The following GLYATL2 variants were observed in gnomAD, a reference collection of about 807,000 sequenced individuals.
GLYATL2 encodes the protein glycine N-acyltransferase-like protein 2.
Under a neutral mutation model 21.4 loss-of-function variants are expected in GLYATL2, and 25 were observed. The observed-to-expected ratio is 1.17, with a 90% CI of 0.85 to 1.63. The LOEUF (loss-of-function observed/expected upper bound fraction) is 1.63. Among genes scored for constraint, GLYATL2 ranks in the 40% most tolerant of loss-of-function variants. GLYATL2 has a pLI of 0.00. For missense variants in GLYATL2, 361 were observed against 343.3 expected (o/e 1.05, Z -0.41); for synonymous variants, 114 against 118.2 (o/e 0.96, Z 0.23).
intron 1 of GLYATL2, among the ~76,000 whole-genome samples, chr11:58,880,299 G>T (rs1854310350): frequency 6.6e-6 from 1 of 152,146 alleles, no homozygotes; most frequent in Non-Finnish European, 1.5e-5. Context: ...CCAGGATGGG[G>T]TCATAAGAGC....
At chr11:58,850,318 C>CT (rs930306612) in intron 1 of GLYATL2, among the ~76,000 whole-genome samples, 1 of 151,962 alleles carries the variant, frequency 6.6e-6, no homozygotes, top group Non-Finnish European at 1.5e-5. Context: ...TTATCAAATG[C>CT]TTTTTTGTGG....
At chr11:58,879,351 G>A (rs1241084244) in intron 1 of GLYATL2, among the ~76,000 whole-genome samples, 10 of 152,044 alleles carry the variant, frequency 6.6e-5, no homozygotes, top group Middle Eastern at 3.4e-3. Flanking sequence ...ATATATACAC[G>A]TTATATATTT....
intron 1 of GLYATL2, among the ~76,000 whole-genome samples, chr11:58,897,178 T>C (rs1243724980): frequency 2.6e-5 from 4 of 152,238 alleles, no homozygotes; most frequent in Non-Finnish European, 5.9e-5. Context: ...CCAAACCTGC[T>C]GTGCCTTTCT....
chr11:58,905,718 GGATGGGTCATCTGGACAAATAGGGA>G, upstream of GLYATL2: 4 of 405,644 alleles, frequency 9.9e-6, no homozygotes, highest in South Asian at 3.4e-5. Context: ...GCTGGGACCG[GGATGGGTCATCTGGACAAATAGGGA>G]GGGTGGGCGG....
chr11:58,880,178 G>A (rs1031187291), intron 1 of GLYATL2, among the ~76,000 whole-genome samples: 17 of 152,124 alleles, frequency 1.1e-4, no homozygotes, highest in African/African-American at 4.1e-4. Flanking sequence ...TAAAGAGTAT[G>A]GGGAGGGGTC....
At chr11:58,872,394 C>T (rs1471347893) in intron 1 of GLYATL2, among the ~76,000 whole-genome samples, 1 of 152,188 alleles carries the variant, frequency 6.6e-6, no homozygotes, top group East Asian at 1.9e-4. Flanking sequence ...CCTAGGTTTT[C>T]TTCTAGGGTT....
chr11:58,893,161 G>A (rs1276978202), intron 1 of GLYATL2: 5 of 381,734 alleles, frequency 1.3e-5, no homozygotes, highest in Non-Finnish European at 2.5e-5. Flanking sequence ...CTGCATAGGA[G>A]CCATGCCAGC....
chr11:58,842,096 C>T (rs1413653533), intron 1 of GLYATL2, among the ~76,000 whole-genome samples: 1 of 152,104 alleles, frequency 6.6e-6, no homozygotes, highest in Non-Finnish European at 1.5e-5. Context: ...AATGTGTAAA[C>T]AGGACATAGA....
intron 1 of GLYATL2, among the ~76,000 whole-genome samples, chr11:58,855,345 T>C (rs1189509680): frequency 6.6e-6 from 1 of 152,232 alleles, no homozygotes; most frequent in Non-Finnish European, 1.5e-5. Flanking sequence ...ATCAGAGCTC[T>C]TGAATGAATA....
At chr11:58,871,444 C>A (rs921020637) in intron 1 of GLYATL2, among the ~76,000 whole-genome samples, 1 of 146,934 alleles carries the variant, frequency 6.8e-6, no homozygotes, top group Non-Finnish European at 1.5e-5. Context: ...CTCCCCCACC[C>A]CACAACAGGC....
upstream of GLYATL2, chr11:58,907,641 T>C (rs923923803): frequency 6.6e-5 from 15 of 226,460 alleles, no homozygotes; most frequent in African/African-American, 3.4e-4. Flanking sequence ...TTTCTAGTCA[T>C]TGTGGGTCAT....
In GLYATL2 at chr11:58,834,781, T is replaced by C. The variant is rs746378135; in HGVS notation, c.533A>G (p.Glu178Gly). Reference protein sequence around the residue: ...LDASHAGLVNEHWAFGKNERS... With the variant: ...LDASHAGLVNGHWAFGKNERS... ...CTCATTTTTCCCAAAGGCCCAGTGTTCATTCACAAGACCTGCATGTGAAGC... is the reference window on the plus strand; with the variant it reads ...CTCATTTTTCCCAAAGGCCCAGTGTCCATTCACAAGACCTGCATGTGAAGC... Residue 178 changes from glutamate to glycine, a missense_variant, in exon 6 of 6, where the codon GAA becomes GGA. Transcript: ENST00000287275. 118 of 1,613,366 alleles carry C rather than the reference T, an allele frequency of 7.3e-5. No individual in the cohort carries two copies. The highest frequency in any genetic ancestry group is 9.8e-5 in the Non-Finnish European group (116 of 1,179,710).
At chr11:58,878,887 T>C (rs1854284230) in intron 1 of GLYATL2, among the ~76,000 whole-genome samples, 1 of 152,198 alleles carries the variant, frequency 6.6e-6, no homozygotes, top group Non-Finnish European at 1.5e-5. Flanking sequence ...TTGAAGTACA[T>C]TTAAAAATGA....
chr11:58,859,972 T>C (rs1191263765), intron 1 of GLYATL2, among the ~76,000 whole-genome samples: 2 of 152,164 alleles, frequency 1.3e-5, no homozygotes, highest in African/African-American at 4.8e-5. Context: ...TTCCATTACT[T>C]CATGTTTCTG....
upstream of GLYATL2, chr11:58,907,848 G>A (rs1182211724): frequency 1.2e-5 from 2 of 164,506 alleles, no homozygotes; most frequent in African/African-American, 2.4e-5. Context: ...CCAGAACAAG[G>A]GCTAATGTTG....
At chr11:58,870,337 A>G (rs550666170) in intron 1 of GLYATL2, among the ~76,000 whole-genome samples, 1 of 152,266 alleles carries the variant, frequency 6.6e-6, no homozygotes, top group African/African-American at 2.4e-5. Context: ...GGCTAAAGAG[A>G]TGGAGGTCAG....
intron 1 of GLYATL2, among the ~76,000 whole-genome samples, chr11:58,878,936 G>A (rs975046926): frequency 6.6e-6 from 1 of 152,128 alleles, no homozygotes; most frequent in Non-Finnish European, 1.5e-5. Flanking sequence ...AGAATGAGTT[G>A]GGCAGTACAG....
chr11:58,895,979 A>G (rs1854627665), intron 1 of GLYATL2, among the ~76,000 whole-genome samples: 1 of 151,648 alleles, frequency 6.6e-6, no homozygotes, highest in Non-Finnish European at 1.5e-5. Flanking sequence ...CAGCCTCCTG[A>G]GTAGCTGGGA....
chr11:58,851,490 C>G (rs550177922), intron 1 of GLYATL2, among the ~76,000 whole-genome samples: 2 of 152,176 alleles, frequency 1.3e-5, no homozygotes, highest in South Asian at 4.1e-4. Flanking sequence ...ATTTGGTTTG[C>G]TAGTATTTTG....
Sources: allele counts gnomAD v4.1 joint callset (sites outside exome capture counted in the v4.1 genomes callset), GRCh38; gene constraint gnomAD v4.1.1; transcripts MANE v1.5; gene names NCBI Gene and HGNC (gene_info 2026-07-23, HGNC 2026-07-21).